STXBP4: variants seen among roughly 807,000 people sequenced by gnomAD.
STXBP4 encodes syntaxin-binding protein 4.
Under a neutral mutation model 76.1 loss-of-function variants are expected in STXBP4, and 55 were observed. The ratio of observed to expected loss-of-function variants is 0.72; its 90% CI spans 0.58 to 0.91. The LOEUF is 0.91. Ranked by LOEUF, STXBP4 falls within the 40% of genes least tolerant of loss-of-function variation. The probability of loss-of-function intolerance (pLI) is 0.00; values close to 1 mark genes in which losing one functional copy is unlikely to be tolerated. For missense variants in STXBP4, 618 were observed against 636.9 expected (o/e 0.97, Z 0.32); for synonymous variants, 201 against 220.2 (o/e 0.91, Z 0.77).
At chr17:55,095,685 A>C (rs7209029) in intron 16 of STXBP4, among the ~76,000 whole-genome samples, 8 of 151,974 alleles carry the variant, frequency 5.3e-5, no homozygotes, top group African/African-American at 1.9e-4. Context: ...TCAGTTTTGC[A>C]GTTCTAAAGT....
At chr17:54,999,965 G>T in intron 6 of STXBP4, 123 bp downstream of exon 6, 1 of 825,408 alleles carries the variant, frequency 1.2e-6, no homozygotes, top group South Asian at 2.2e-5. Context: ...ATATTTCTTT[G>T]AAAGATTTTT....
In STXBP4 at chr17:55,075,144, C is replaced by G. The variant is rs372606940; in HGVS notation, c.1188+2068C>G. ...ACAGTGTTTCTCTCCAATTGCATCT[C>G]CCACCCTTTCCCTCAGAGATAATCA... On this transcript the variant is annotated intron_variant, in intron 13 of 17. Coordinates refer to ENST00000376352, the MANE Select transcript of STXBP4 (RefSeq NM_178509.6). Among the ~76,000 whole-genome samples, 221 of 152,094 alleles carry G rather than the reference C, an allele frequency of 1.5e-3. 7 individuals carry two copies. In the South Asian group the frequency reaches 0.045, roughly 31 times the overall value.
rs1336128344 is a variant in STXBP4, at chr17:55,169,317, C to CA, written c.*9407dup. On this transcript the variant is annotated 3_prime_UTR_variant, in exon 18 of 18. Transcript: ENST00000376352. ...TCTACAGTAGGTTCAAGTCAGAGGC[C>CA]AGAGAACCCAGAGTATTTATACCTC... 5 of 134,946 alleles carry CA rather than the reference C, an allele frequency of 3.7e-5. No individual in the cohort carries two copies. The highest frequency in any genetic ancestry group is 7.5e-5 in the Non-Finnish European group (5 of 66,436). 8.4% of individuals were successfully genotyped at this position (134,946 alleles called of 1,614,324 possible).
At chr17:55,140,558 A>G (rs549279514) in intron 16 of STXBP4, among the ~76,000 whole-genome samples, 5 of 152,222 alleles carry the variant, frequency 3.3e-5, no homozygotes, top group Non-Finnish European at 5.9e-5. Flanking sequence ...CAAAATCAGA[A>G]TGTAGGAGAA....
chr17:55,140,208 T>G (rs1395716552), intron 16 of STXBP4, among the ~76,000 whole-genome samples: 1 of 152,100 alleles, frequency 6.6e-6, no homozygotes, highest in Non-Finnish European at 1.5e-5. Flanking sequence ...CTTGGGAGGC[T>G]GAGGAGGGAG....
chr17:55,205,879 C>T, the STXBP4 span, among the ~76,000 whole-genome samples: 1 of 151,788 alleles, frequency 6.6e-6, no homozygotes, highest in Non-Finnish European at 1.5e-5. Context: ...TTTCCTCCTA[C>T]AAAAATATTG....
In STXBP4 at chr17:54,999,333, T is replaced by C; in HGVS notation, c.181-12T>C. The C allele has an allele frequency of 6.3e-7, 1 of 1,592,798 alleles. No individual in the cohort carries two copies. Among genetic ancestry groups the C allele is most frequent in the Non-Finnish European group, 8.6e-7 (1 of 1,168,718 alleles). ...TCATTAGTTCCTTTATAAATGTTACTGTTTTTGTTAGGATGGTCGTTTGAA... is the reference window on the plus strand; with the variant it reads ...TCATTAGTTCCTTTATAAATGTTACCGTTTTTGTTAGGATGGTCGTTTGAA... On this transcript the variant is annotated splice_polypyrimidine_tract_variant and intron_variant, in intron 4 of 17. Transcript: ENST00000376352.
At chr17:54,987,418 A>G (rs1327605357) in intron 3 of STXBP4, among the ~76,000 whole-genome samples, 1 of 152,166 alleles carries the variant, frequency 6.6e-6, no homozygotes, top group East Asian at 1.9e-4. Context: ...TCTTAAGTAA[A>G]AGGTGTCATG....
chr17:55,005,527 A>AT (rs2077990564), intron 7 of STXBP4, among the ~76,000 whole-genome samples: 1 of 152,120 alleles, frequency 6.6e-6, no homozygotes, highest in Non-Finnish European at 1.5e-5. Context: ...GAGATAGCAA[A>AT]TTTTTATGCT....
intron 9 of STXBP4, 74 bp downstream of exon 9, chr17:55,031,338 G>A: frequency 8.3e-7 from 1 of 1,200,464 alleles, no homozygotes; most frequent in South Asian, 1.3e-5. Context: ...TTTTCATTAA[G>A]AGTGTTTGTT....
intron 7 of STXBP4, among the ~76,000 whole-genome samples, chr17:55,006,546 A>G (rs1461285960): frequency 6.6e-6 from 1 of 152,226 alleles, no homozygotes; most frequent in Non-Finnish European, 1.5e-5. Flanking sequence ...TAAAACGTAC[A>G]GTATTTCAAG....
intron 10 of STXBP4, among the ~76,000 whole-genome samples, chr17:55,035,552 G>A (rs1469246782): frequency 6.6e-6 from 1 of 151,686 alleles, no homozygotes; most frequent in Non-Finnish European, 1.5e-5. Context: ...GAATTAAAAT[G>A]ATTTGTTTTA....
chr17:55,093,086 C>T (rs1364990385), intron 16 of STXBP4, among the ~76,000 whole-genome samples: 2 of 152,110 alleles, frequency 1.3e-5, no homozygotes, highest in South Asian at 2.1e-4. Context: ...CCTCTGCCTC[C>T]TGGGTTCAAG....
intron 16 of STXBP4, among the ~76,000 whole-genome samples, chr17:55,127,653 T>A (rs2079927675): frequency 6.6e-6 from 1 of 152,208 alleles, no homozygotes; most frequent in South Asian, 2.1e-4. Context: ...TGAGAGCTAT[T>A]ATTTGAAAAA....
Position 55,164,679 on chromosome 17 carries a change from C to T in STXBP4, c.*4768C>T, listed in dbSNP as rs1023575316. On this transcript the variant is annotated 3_prime_UTR_variant, in exon 18 of 18. Coordinates refer to ENST00000376352, the MANE Select transcript of STXBP4 (RefSeq NM_178509.6). The stretch of plus-strand genomic sequence containing the variant: ...TTGTTAGCCAGGATGGTCTCGATCT[C>T]CTGACCTCATGATCCACCCGCCTCG... 2 of 151,618 alleles carry T rather than the reference C, an allele frequency of 1.3e-5. No individual in the cohort carries two copies. The highest frequency in any genetic ancestry group is 6.6e-5 in the Admixed American group (1 of 15,240). The allele number at this position is 151,618 out of a possible 1,614,324, so 9.4% of individuals were successfully genotyped here.
At chr17:55,045,309 T>C (rs1316494846) in intron 11 of STXBP4, among the ~76,000 whole-genome samples, 1 of 152,106 alleles carries the variant, frequency 6.6e-6, no homozygotes, top group Non-Finnish European at 1.5e-5. Context: ...AAAAATTTAG[T>C]TTTAAAAATA....
intron 16 of STXBP4, among the ~76,000 whole-genome samples, chr17:55,125,479 C>CAAAAAAAAAAAAAAAAAAA (rs10632680): frequency 5.5e-4 from 50 of 91,690 alleles, no homozygotes; most frequent in Non-Finnish European, 7.7e-4. Context: ...GGACAAAATA[C>CAAAAAAAAAAAAAAAAAAA]AAAAAAAAAA....
chr17:55,001,634 G>A (rs946114716), intron 7 of STXBP4, among the ~76,000 whole-genome samples: 3 of 151,952 alleles, frequency 2.0e-5, no homozygotes, highest in African/African-American at 7.3e-5. Context: ...ATTTATATAA[G>A]AACTGAAAAA....
chr17:55,184,574 CT>C, the STXBP4 span, among the ~76,000 whole-genome samples: 1 of 152,062 alleles, frequency 6.6e-6, no homozygotes, highest in African/African-American at 2.4e-5. Context: ...ATTCTTTTAC[CT>C]GGCTTTAAAA....
Sources: gnomAD v4.1 joint callset for allele counts (sites outside exome capture counted in the v4.1 genomes callset) on GRCh38, gnomAD v4.1.1 for gene constraint, MANE v1.5 for transcripts, NCBI Gene and HGNC (gene_info 2026-07-23, HGNC 2026-07-21) for gene names.